The following CACNA2D3 variants were observed in gnomAD, a reference collection of about 807,000 sequenced individuals.
The protein encoded by CACNA2D3 is voltage-dependent calcium channel subunit alpha-2/delta-3.
CACNA2D3 carries 60 observed loss-of-function variants against 160.6 expected under a neutral mutation model. The ratio of observed to expected loss-of-function variants is 0.37; its 90% CI spans 0.30 to 0.46. CACNA2D3 has a LOEUF of 0.46. Ranked by LOEUF, CACNA2D3 falls within the 20% of genes least tolerant of loss-of-function variation. The probability of loss-of-function intolerance (pLI) is 1.00; values close to 1 mark genes in which losing one functional copy is unlikely to be tolerated. For missense variants in CACNA2D3, 1,205 were observed against 1,365.0 expected (o/e 0.88, Z 1.85); for synonymous variants, 558 against 492.9 (o/e 1.13, Z -1.75).
intron 3 of CACNA2D3, among the ~76,000 whole-genome samples, chr3:54,338,037 T>C (rs1704428424): frequency 6.6e-6 from 1 of 152,170 alleles, no homozygotes; most frequent in Non-Finnish European, 1.5e-5. Flanking sequence ...GCTGTGTGAG[T>C]GCTCCCCGAG....
At position 54,793,259 on chromosome 3, in the gene CACNA2D3, C is replaced by T. The variant is rs181920068; in HGVS notation, c.1381-23594C>T. ...GTCGTCGTAAATACTTGTTGGTTTACCACCCGATATCTCCTGTGAGAAGTG... is the reference window on the plus strand; with the variant it reads ...GTCGTCGTAAATACTTGTTGGTTTATCACCCGATATCTCCTGTGAGAAGTG... On this transcript the variant is annotated intron_variant, in intron 13 of 37. Transcript: ENST00000474759. Among the ~76,000 whole-genome samples the T allele has an allele frequency of 1.8e-3, 281 of 152,320 alleles. 1 individual carries two copies. Among genetic ancestry groups the T allele is most frequent in the Non-Finnish European group, 2.8e-3 (193 of 68,028 alleles).
intron 3 of CACNA2D3, among the ~76,000 whole-genome samples, chr3:54,341,442 C>T (rs753326208): frequency 3.9e-5 from 6 of 152,130 alleles, no homozygotes; most frequent in Non-Finnish European, 7.4e-5. Context: ...CTATGTGACC[C>T]GGAGGTTTGG....
Position 54,680,875 on chromosome 3 carries a change from C to T in CACNA2D3, c.1167+38634C>T, listed in dbSNP as rs999962298. 6.1e-4 allele frequency among the ~76,000 whole-genome samples: 93 copies of T among 152,270 alleles called. 1 individual carries two copies. Among genetic ancestry groups the T allele is most frequent in the Admixed American group, 5.2e-4 (8 of 15,302 alleles). ...GCCCTTCCTCTGATCCCCAGTTATT[C>T]TCCAGGGGTAGACTGAGCACTCACT... On this transcript the variant is annotated intron_variant, in intron 11 of 37. Transcript: ENST00000474759.
chr3:54,828,639 CATTAT>C lies in CACNA2D3; in HGVS notation c.1399-8516_1399-8512del, dbSNP rs556802649. Among the ~76,000 whole-genome samples, 661 of 152,252 alleles carry C rather than the reference CATTAT, an allele frequency of 4.3e-3. 8 individuals are homozygous for C. The highest frequency in any genetic ancestry group is 0.015 in the African/African-American group (632 of 41,556). On this transcript the variant is annotated intron_variant, in intron 14 of 37. Coordinates refer to ENST00000474759, the MANE Select transcript of CACNA2D3 (RefSeq NM_018398.3). ...ATATAGATGTTCCAAGATTGTCCAG[CATTAT>C]ATTCACAAAGTTGTCTTCAGTTTGT...
intron 17 of CACNA2D3, among the ~76,000 whole-genome samples, chr3:54,867,316 T>C (rs577533355): frequency 6.6e-6 from 1 of 152,280 alleles, no homozygotes; most frequent in East Asian, 1.9e-4. Context: ...AGAAATCAAC[T>C]GTGCCCAGAC....
At chr3:54,912,688 T>C (rs959002799) in intron 27 of CACNA2D3, among the ~76,000 whole-genome samples, 4 of 152,142 alleles carry the variant, frequency 2.6e-5, no homozygotes, top group African/African-American at 9.7e-5. Flanking sequence ...CAGCGTTCTC[T>C]CCTCTTCACA....
At chr3:54,957,463 A>G (rs1388104121) in intron 27 of CACNA2D3, among the ~76,000 whole-genome samples, 1 of 152,198 alleles carries the variant, frequency 6.6e-6, no homozygotes, top group Non-Finnish European at 1.5e-5. Context: ...AATAATTTTC[A>G]TCATGGAATA....
At chr3:54,725,744 G>A (rs935042592) in intron 11 of CACNA2D3, among the ~76,000 whole-genome samples, 7 of 152,076 alleles carry the variant, frequency 4.6e-5, no homozygotes, top group Admixed American at 6.5e-5. Context: ...AATAAACTGG[G>A]TATCAATAGA....
At chr3:54,259,594 C>T (rs1389667109) in intron 2 of CACNA2D3, among the ~76,000 whole-genome samples, 1 of 152,168 alleles carries the variant, frequency 6.6e-6, no homozygotes, top group Non-Finnish European at 1.5e-5. Flanking sequence ...TACAGCTGAG[C>T]CAAAACCAAG....
chr3:54,208,065 G>C (rs753707023), intron 2 of CACNA2D3, among the ~76,000 whole-genome samples: 22 of 152,176 alleles, frequency 1.4e-4, no homozygotes, highest in Non-Finnish European at 3.1e-4. Flanking sequence ...TGAGTAGTGA[G>C]TGTGTTCTGG....
chr3:54,290,718 A>G (rs1438134678), intron 2 of CACNA2D3, among the ~76,000 whole-genome samples: 1 of 152,032 alleles, frequency 6.6e-6, no homozygotes, highest in Non-Finnish European at 1.5e-5. Flanking sequence ...ACCATGGAAT[A>G]CTATGCAGCC....
rs368050247 is a variant in CACNA2D3, at chr3:54,463,733, G to A, written c.382-39759G>A. ...TGGTTTGAATTTCCTCCTGTAGCTC[G>A]GAGTAGTTTGATCGTCTGAAGCCTT... On this transcript the variant is annotated intron_variant, in intron 4 of 37. Coordinates refer to ENST00000474759, the MANE Select transcript of CACNA2D3 (RefSeq NM_018398.3). Among the ~76,000 whole-genome samples, 11 of 152,172 alleles carry A rather than the reference G, an allele frequency of 7.2e-5. No individual in the cohort carries two copies. The South Asian group carries it at 8.3e-4, about 12-fold the overall frequency.
chr3:54,784,722 G>A (rs1040236355), intron 13 of CACNA2D3, among the ~76,000 whole-genome samples: 2 of 152,218 alleles, frequency 1.3e-5, no homozygotes, highest in East Asian at 3.9e-4. Flanking sequence ...AATGAAAAGA[G>A]CAAGTTTGCC....
intron 4 of CACNA2D3, among the ~76,000 whole-genome samples, chr3:54,484,862 T>G (rs6796216): frequency 0.39 from 58,843 of 149,428 alleles, 11,871 homozygotes; most frequent in Middle Eastern, 0.47. Context: ...TTTTTTTTTT[T>G]GGGGGATGGA....
chr3:54,658,907 G>A (rs192052718), intron 11 of CACNA2D3, among the ~76,000 whole-genome samples: 101 of 152,046 alleles, frequency 6.6e-4, no homozygotes, highest in Non-Finnish European at 1.1e-3. Context: ...TGCCCTCTGC[G>A]CAGCCCACTG....
intron 3 of CACNA2D3, among the ~76,000 whole-genome samples, chr3:54,358,438 G>A (rs1228331562): frequency 6.6e-6 from 1 of 152,208 alleles, no homozygotes; most frequent in African/African-American, 2.4e-5. Context: ...TTAACATTCA[G>A]CATTCAAGTG....
intron 9 of CACNA2D3, among the ~76,000 whole-genome samples, chr3:54,619,357 T>C (rs1327183844): frequency 1.3e-5 from 2 of 152,222 alleles, no homozygotes. Context: ...TATTTCCCAA[T>C]TGTAGAGAAT....
chr3:54,216,395 T>A (rs1427675945), intron 2 of CACNA2D3, among the ~76,000 whole-genome samples: 1 of 152,334 alleles, frequency 6.6e-6, no homozygotes, highest in Non-Finnish European at 1.5e-5. Flanking sequence ...TCTATAATAA[T>A]AAACAGAAGC....
chr3:54,262,249 G>GT (rs1702414262), intron 2 of CACNA2D3, among the ~76,000 whole-genome samples: 2 of 152,268 alleles, frequency 1.3e-5, no homozygotes, highest in African/African-American at 4.8e-5. Flanking sequence ...TCAGGCTGTG[G>GT]TAGGACAGGG....
Sources: gnomAD v4.1 joint callset for allele counts (sites outside exome capture counted in the v4.1 genomes callset) on GRCh38, gnomAD v4.1.1 for gene constraint, MANE v1.5 for transcripts, NCBI Gene and HGNC (gene_info 2026-07-23, HGNC 2026-07-21) for gene names.